Variants in MICAL1 observed in about 807,000 individuals in gnomAD.
MICAL1 encodes the protein [F-actin]-monooxygenase MICAL1.
Under a neutral mutation model 131.8 loss-of-function variants are expected in MICAL1, and 95 were observed. That is an observed-to-expected ratio of 0.72 (90% confidence interval 0.61 to 0.86). The LOEUF is 0.86. MICAL1 is among the 40% of genes least tolerant of loss of function. The probability of loss-of-function intolerance (pLI) is 0.00; values close to 1 mark genes in which losing one functional copy is unlikely to be tolerated. For synonymous variants in MICAL1, 546 were observed against 554.2 expected, an observed-to-expected ratio of 0.99 and a Z score of 0.21; for missense variants, 1,292 against 1,380.6, an observed-to-expected ratio of 0.94 and a Z score of 1.02.
intron 24 of MICAL1, 45 bp downstream of exon 24, chr6:109,444,680 G>C (rs143888193): frequency 1.0e-4 from 168 of 1,602,668 alleles, no homozygotes; most frequent in Admixed American, 3.8e-4. Context: ...AGGCTTGCAT[G>C]ACACATCCCT....
rs148805806 is a variant in MICAL1, at chr6:109,450,391, G to A, written c.1100C>T (p.Thr367Met). 4.6e-4 allele frequency: 738 copies of A among 1,613,490 alleles called. 2 individuals carry two copies. The highest frequency in any genetic ancestry group is 6.1e-4 in the Non-Finnish European group (718 of 1,179,876). The change falls in exon 8 of 25, where the codon ACG becomes ATG. Residue 367 changes from threonine (T) to methionine (M), a missense_variant. By Grantham distance (81) the Thr-to-Met change is moderately conservative. Coordinates refer to ENST00000358807, the MANE Select transcript of MICAL1 (RefSeq NM_022765.4). Reference sequence around the variant, plus strand: ...AGAACTCTCTGCCCGCATCATGCTCGTGAAGTCAAAGGCAGAGACATCAGG... The same window carrying A: ...AGAACTCTCTGCCCGCATCATGCTCATGAAGTCAAAGGCAGAGACATCAGG... ...GQPDVSAFDF[T>M]SMMRAESSAR...
chr6:109,445,567 G>T, intron 20 of MICAL1, 38 bp from the exon 21 acceptor site: 1 of 1,600,254 alleles, frequency 6.2e-7, no homozygotes, highest in Non-Finnish European at 8.6e-7. Flanking sequence ...TAGGGCCTGG[G>T]CCCCCTGGTG....
At chr6:109,447,577 C>T in intron 15 of MICAL1, 104 bp downstream of exon 15, 2 of 1,572,090 alleles carry the variant, frequency 1.3e-6, no homozygotes, top group Non-Finnish European at 1.7e-6. Context: ...GGTTACAGGA[C>T]CTGGGGTGGG....
rs146309804 is a variant in MICAL1 at position 109,450,487 on chromosome 6, C to T, written c.1004G>A (p.Arg335Gln). The T allele has an allele frequency of 1.7e-5, 27 of 1,613,158 alleles. No homozygotes were observed. The highest frequency in any genetic ancestry group is 1.3e-4 in the African/African-American group (10 of 74,924). ...ATGGGTGGCAAAGTCAGCAGCTGCC[C>T]GGGTAAAGCGCTGCAGAGCCTCGGG... ...VVPEALQRFT[R>Q]AAADFATHGK... The change falls in exon 8 of 25, where the codon CGG (arginine) becomes CAG (glutamine). Residue 335 changes from arginine to glutamine, a missense_variant. Coordinates refer to ENST00000358807, the MANE Select transcript of MICAL1 (RefSeq NM_022765.4).
rs775905056 is a variant in MICAL1, at chr6:109,444,909, C to T, written c.2968G>A (p.Glu990Lys). 3.2e-5 allele frequency: 52 copies of T among 1,614,162 alleles called. No homozygotes were observed. Among genetic ancestry groups the T allele is most frequent in the Middle Eastern group, 1.6e-4 (1 of 6,062 alleles). Residue 990 changes from glutamate (E) to lysine (K), a missense_variant, in exon 23 of 25, where the codon GAG becomes AAG. Glu to Lys is a moderately conservative substitution (Grantham distance 56). Coordinates refer to ENST00000358807, the MANE Select transcript of MICAL1 (RefSeq NM_022765.4). The part of the protein sequence containing the change: ...KKNSLVAEEA[E>K]LMITVQELNL... ...CCTTCCCCTTACGTGATCATGAGCT[C>T]GGCCTCCTCAGCCACCAGGCTGTTT...
chr6:109,458,292 A>G (rs1486406151), upstream of MICAL1, among the ~76,000 whole-genome samples: 1 of 151,874 alleles, frequency 6.6e-6, no homozygotes, highest in Non-Finnish European at 1.5e-5. Context: ...ACATGAAGTC[A>G]GTTTAAAGAG....
Position 109,450,029 on chromosome 6 carries a change from T to C in MICAL1, c.1248A>G (p.Ala416=). 6.2e-7 allele frequency: 1 copy of C among 1,614,132 alleles called. No homozygotes were observed. Among genetic ancestry groups the C allele is most frequent in the Non-Finnish European group, 8.5e-7 (1 of 1,180,000 alleles). Residue 416 remains alanine, a synonymous_variant, in exon 9 of 25, where the codon GCA becomes GCG. Transcript: ENST00000358807. ...VARGFLAAFD[A]AWMVKRWAEG... ...CTGCCCACCGCTTCACCATCCAGGC[T>C]GCATCAAAGGCTGCCAGGAAGCCCC...
chr6:109,454,601 G>A (rs908036146), intron 1 of MICAL1: 5 of 280,752 alleles, frequency 1.8e-5, no homozygotes, highest in African/African-American at 1.1e-4. Flanking sequence ...GGATTTCTTA[G>A]ATGTGGAGAG....
At position 109,449,982 on chromosome 6, in the gene MICAL1, A is replaced by G. The variant is rs775020161; in HGVS notation, c.1295T>C (p.Val432Ala). The change falls in exon 9 of 25, where the codon GTG becomes GCG. Residue 432 changes from valine (V) to alanine (A), a missense_variant. Val to Ala is a moderately conservative substitution (Grantham distance 64, BLOSUM62 0). Coordinates refer to ENST00000358807, the MANE Select transcript of MICAL1 (RefSeq NM_022765.4). ...ACTCAGGTCTTACCGCTCAGCCAAC[A>G]CCTCTAGGGACTCAGCGCCCTCTGC... ...RWAEGAESLE[V>A]LAERESLYQL... 15 of 1,613,228 alleles carry G rather than the reference A, an allele frequency of 9.3e-6. No homozygotes were observed. The East Asian group carries it at 3.3e-4, about 36-fold the overall frequency.
chr6:109,446,699 ACTCTCAGGGC>A lies in MICAL1; in HGVS notation c.2291_2300del (p.Gly764ValfsTer137), dbSNP rs1447618526. ...CATACACGCCTTCAGTCTTTACCGG[ACTCTCAGGGC>A]CTCTATCGCTGCCTTCCGCTTTGTG... On this transcript the variant is annotated frameshift_variant, in exon 18 of 25. Coordinates refer to ENST00000358807, the MANE Select transcript of MICAL1 (RefSeq NM_022765.4). LOFTEE classifies it high-confidence loss of function. 8 of 1,612,814 alleles carry A rather than the reference ACTCTCAGGGC, an allele frequency of 5.0e-6. No individual in the cohort carries two copies. Among genetic ancestry groups the A allele is most frequent in the Non-Finnish European group, 6.8e-6 (8 of 1,179,606 alleles).
chr6:109,455,618 G>T lies in MICAL1; in HGVS notation c.-44+101C>A. ...AGGGAAGACCTGCCTGACCTGCCAG[G>T]CGTGGTTCCCGAGCGACCGCAGCTG... On this transcript the variant is annotated intron_variant, in intron 1 of 24. Coordinates refer to ENST00000358807, the MANE Select transcript of MICAL1 (RefSeq NM_022765.4). The surrounding 1 kb of genome is among the most constrained non-coding windows in gnomAD (Gnocchi z 4.7). 1.3e-6 allele frequency: 1 copy of T among 791,170 alleles called. No homozygotes were observed. Among genetic ancestry groups the T allele is most frequent in the Non-Finnish European group, 1.5e-6 (1 of 651,926 alleles). 49.0% of individuals were successfully genotyped at this position (791,170 alleles called of 1,614,324 possible).
intron 1 of MICAL1, among the ~76,000 whole-genome samples, chr6:109,461,538 G>C (rs891081238): frequency 3.3e-5 from 5 of 152,194 alleles, no homozygotes; most frequent in Admixed American, 2.0e-4. Flanking sequence ...CCAGGAGTTT[G>C]AGGCCAGCCT....
intron 20 of MICAL1, 40 bp from the exon 21 acceptor site, chr6:109,445,569 C>T: frequency 6.2e-7 from 1 of 1,605,958 alleles, no homozygotes; most frequent in Non-Finnish European, 8.5e-7. Context: ...GGGCCTGGGC[C>T]CCCTGGTGGA....
Position 109,448,288 on chromosome 6 carries a change from G to A in MICAL1, c.1770C>T (p.Ala590=), listed in dbSNP as rs768860144. 8 of 1,613,888 alleles carry A rather than the reference G, an allele frequency of 5.0e-6. No individual in the cohort carries two copies. Among genetic ancestry groups the A allele is most frequent in the African/African-American group, 2.7e-5 (2 of 75,008 alleles). Reference sequence around the variant, plus strand: ...CCAGTGGGTCACTCCCTGCTACCACGGCCTGTGCAGACACCACCGGTGTGA... The same window carrying A: ...CCAGTGGGTCACTCCCTGCTACCACAGCCTGTGCAGACACCACCGGTGTGA... The part of the protein sequence containing the change: ...LGITPVVSAQ[A]VVAGSDPLGL... Residue 590 remains alanine, a synonymous_variant, in exon 13 of 25, where the codon GCC becomes GCT. Transcript: ENST00000358807.
intron 1 of MICAL1, chr6:109,462,738 A>G (rs1046943): frequency 0.52 from 78,715 of 152,006 alleles, 21,448 homozygotes; most frequent in African/African-American, 0.7. Flanking sequence ...AAGAGCTCCA[A>G]TCATCCCAAG....
At chr6:109,451,872 G>A (rs1775557502) in intron 6 of MICAL1, 172 bp from the exon 7 acceptor site, 9 of 1,410,962 alleles carry the variant, frequency 6.4e-6, no homozygotes, top group South Asian at 1.5e-5. Context: ...TCTGTCCCAG[G>A]CCCAGGAGGC....
At chr6:109,463,347 T>G (rs1775949768) in intron 1 of MICAL1, 1 of 152,188 alleles carries the variant, frequency 6.6e-6, no homozygotes, top group Admixed American at 6.5e-5. Flanking sequence ...GAGGCTAGAT[T>G]AACAAAGCTA....
intron 21 of MICAL1, 27 bp from the exon 22 acceptor site, chr6:109,445,317 G>A: frequency 6.2e-7 from 1 of 1,613,566 alleles, no homozygotes; most frequent in Non-Finnish European, 8.5e-7. Flanking sequence ...AGAATATCCA[G>A]GAGTCTCTAG....
At position 109,452,289 on chromosome 6, in the gene MICAL1, C is replaced by A; in HGVS notation, c.789G>T (p.Arg263Ser). ...TCTGGAAGAAGCTCTGGTTGTAGAT[C>A]CTGGCTACACCACTGATCTCCGGCA... ...TQVPEISGVA[R>S]IYNQSFFQSL... is the part of the protein sequence containing the mutation. The change falls in exon 6 of 25, where the codon AGG (arginine) becomes AGT (serine). Residue 263 changes from arginine (R) to serine (S), a missense_variant. By Grantham distance (110) the Arg-to-Ser change is moderately radical. Transcript: ENST00000358807. The A allele has an allele frequency of 6.2e-7, 1 of 1,614,098 alleles. No homozygotes were observed. The highest frequency in any genetic ancestry group is 8.5e-7 in the Non-Finnish European group (1 of 1,179,998).
Sources: allele counts gnomAD v4.1 joint callset (sites outside exome capture counted in the v4.1 genomes callset), GRCh38; gene constraint gnomAD v4.1.1; non-coding constraint Gnocchi (gnomAD v3.1); transcripts MANE v1.5; gene names NCBI Gene and HGNC (gene_info 2026-07-23, HGNC 2026-07-21).